Variants in BCAS3 observed in about 807,000 individuals in gnomAD.
BCAS3 encodes the protein BCAS3 microtubule associated cell migration factor.
Under a neutral mutation model 116.1 loss-of-function variants are expected in BCAS3, and 53 were observed. The ratio of observed to expected loss-of-function variants is 0.46; its 90% CI spans 0.37 to 0.57. The LOEUF (loss-of-function observed/expected upper bound fraction) is 0.57. Among genes scored for constraint, BCAS3 ranks in the 20% least tolerant of loss-of-function variants. The pLI is 0.00. For synonymous variants in BCAS3, 391 were observed against 408.2 expected (o/e 0.96, Z 0.51); for missense variants, 917 against 1,165.4 (o/e 0.79, Z 3.10).
In BCAS3 at chr17:61,332,984, G is replaced by A. The variant is rs769407522; in HGVS notation, c.2426-35343G>A. Among the ~76,000 whole-genome samples, 33 of 152,162 alleles carry A rather than the reference G, an allele frequency of 2.2e-4. No homozygotes were observed. Among genetic ancestry groups the A allele is most frequent in the South Asian group, 6.2e-4 (3 of 4,824 alleles). On this transcript the variant is annotated intron_variant, in intron 22 of 23. Transcript: ENST00000407086. This position sits in a 1 kb window ranked among gnomAD's most constrained non-coding sequence, Gnocchi z 5.4. Reference sequence around the variant, plus strand: ...ATATTACAAGTCTAGGGCAGAGCGGGGACTATATTCTGGCTTCCTGACTCT... The same window carrying A: ...ATATTACAAGTCTAGGGCAGAGCGGAGACTATATTCTGGCTTCCTGACTCT...
At chr17:60,805,515 G>C (rs768661391) in intron 6 of BCAS3, among the ~76,000 whole-genome samples, 5 of 152,136 alleles carry the variant, frequency 3.3e-5, no homozygotes, top group Non-Finnish European at 7.4e-5. Context: ...ATGTGTGTCC[G>C]AACAGGGAAA....
In BCAS3 at chr17:60,869,250, G is replaced by A. The variant is rs73991313; in HGVS notation, c.584+567G>A. On this transcript the variant is annotated intron_variant, in intron 8 of 23. Transcript: ENST00000407086. The stretch of plus-strand genomic sequence containing the variant: ...CTTGAACTTCTATGTGACCTCTACT[G>A]CTAATGACAAATTAATCACAGAACA... Among the ~76,000 whole-genome samples the A allele has an allele frequency of 2.6e-3, 392 of 152,218 alleles. 4 individuals are homozygous for A. The highest frequency in any genetic ancestry group is 0.01 in the Middle Eastern group (3 of 294).
intron 14 of BCAS3, among the ~76,000 whole-genome samples, chr17:60,952,644 G>T (rs1326174386): frequency 2.6e-5 from 4 of 152,042 alleles, no homozygotes; most frequent in Non-Finnish European, 5.9e-5. Flanking sequence ...AAGTTCAGGG[G>T]TACATATGCA....
At chr17:60,801,077 A>G (rs1399755149) in intron 6 of BCAS3, among the ~76,000 whole-genome samples, 6 of 152,096 alleles carry the variant, frequency 3.9e-5, no homozygotes, top group African/African-American at 1.2e-4. Context: ...TAGAATACTC[A>G]TGTTTATAAT....
chr17:61,255,756 T>C (rs2048728048), intron 22 of BCAS3, among the ~76,000 whole-genome samples: 1 of 152,254 alleles, frequency 6.6e-6, no homozygotes, highest in African/African-American at 2.4e-5. Flanking sequence ...GTTCCGGATG[T>C]AGCTGCTCTT....
chr17:61,137,221 A>C (rs2058224), intron 22 of BCAS3, among the ~76,000 whole-genome samples: 11,560 of 152,198 alleles, frequency 0.076, 1,435 homozygotes, highest in African/African-American at 0.26. Context: ...AAATGCAGAC[A>C]CAAAAAGATT....
chr17:61,338,400 CT>C (rs35226282), intron 22 of BCAS3, among the ~76,000 whole-genome samples: 84 of 142,462 alleles, frequency 5.9e-4, no homozygotes, highest in Middle Eastern at 3.5e-3. Flanking sequence ...ACCAGAGTCG[CT>C]TTTTTTTTTC....
chr17:60,706,187 C>T (rs564472049), intron 4 of BCAS3, among the ~76,000 whole-genome samples: 30 of 152,078 alleles, frequency 2.0e-4, no homozygotes, highest in Non-Finnish European at 2.8e-4. Flanking sequence ...TTCAGCCTCC[C>T]GAGTAGCTGG....
At chr17:60,843,091 TTTTA>T (rs1466021673) in intron 7 of BCAS3, among the ~76,000 whole-genome samples, 1 of 140,468 alleles carries the variant, frequency 7.1e-6, no homozygotes, top group African/African-American at 3.0e-5. Flanking sequence ...TAAGGCTGAT[TTTTA>T]TTTTTTATTT....
intron 16 of BCAS3, among the ~76,000 whole-genome samples, chr17:61,024,062 C>G (rs1220455917): frequency 1.3e-5 from 2 of 152,124 alleles, no homozygotes; most frequent in East Asian, 3.8e-4. Flanking sequence ...TAATACGAAA[C>G]TATAGCTGTG....
Position 61,380,142 on chromosome 17 carries a change from A to G in BCAS3, c.2593+11648A>G. On this transcript the variant is annotated intron_variant, in intron 23 of 23. Coordinates refer to ENST00000407086, the MANE Select transcript of BCAS3 (RefSeq NM_017679.5). This position sits in a 1 kb window ranked among gnomAD's most constrained non-coding sequence, Gnocchi z 4.2. ...ACACTGCCATGCAGCTTTGAACTTCAGACCTGGTTTCTAAATCCACGGAAG... is the reference window on the plus strand; with the variant it reads ...ACACTGCCATGCAGCTTTGAACTTCGGACCTGGTTTCTAAATCCACGGAAG... The G allele has an allele frequency of 3.7e-6, 1 of 270,040 alleles. No individual in the cohort carries two copies. The highest frequency in any genetic ancestry group is 4.7e-5 in the South Asian group (1 of 21,372). The allele number at this position is 270,040 out of a possible 1,614,324, so 16.7% of individuals were successfully genotyped here.
At chr17:61,177,781 A>G (rs778792136) in intron 22 of BCAS3, among the ~76,000 whole-genome samples, 2 of 152,310 alleles carry the variant, frequency 1.3e-5, no homozygotes, top group African/African-American at 2.4e-5. Context: ...CAGCAGTGCT[A>G]TTTTGAGATT....
At chr17:60,972,578 G>C (rs1001806483) in intron 14 of BCAS3, among the ~76,000 whole-genome samples, 2 of 151,020 alleles carry the variant, frequency 1.3e-5, no homozygotes. Flanking sequence ...CTCCCAAGTA[G>C]CTGGGACTAC....
In BCAS3 at chr17:60,964,159, G is replaced by A. The variant is rs1027640072; in HGVS notation, c.1221+16807G>A. On this transcript the variant is annotated intron_variant, in intron 14 of 23. Coordinates refer to ENST00000407086, the MANE Select transcript of BCAS3 (RefSeq NM_017679.5). The surrounding 1 kb of genome is among the most constrained non-coding windows in gnomAD (Gnocchi z 4.6). ...CATTTTTTCCCTGTTCCGTATGATG[G>A]TAGCTGTGGATTTGTCATATATGGT... Among the ~76,000 whole-genome samples, 2 of 152,118 alleles carry A rather than the reference G, an allele frequency of 1.3e-5. No homozygotes were observed. Among genetic ancestry groups the A allele is most frequent in the African/African-American group, 4.8e-5 (2 of 41,430 alleles).
At chr17:61,014,650 G>GA (rs879941979) in intron 15 of BCAS3, among the ~76,000 whole-genome samples, 44 of 141,962 alleles carry the variant, frequency 3.1e-4, no homozygotes, top group East Asian at 1.2e-3. Flanking sequence ...CAGTGAGGAG[G>GA]AAAAAAAAAA....
In BCAS3 at chr17:61,144,011, C is replaced by T. The variant is rs113019481; in HGVS notation, c.2425+59447C>T. ...TTCTGAAATACTAAATTCCCATAAC[C>T]TATGCAAATTACATTTTAGGCAAGT... On this transcript the variant is annotated intron_variant, in intron 22 of 23. Coordinates refer to ENST00000407086, the MANE Select transcript of BCAS3 (RefSeq NM_017679.5). This position sits in a 1 kb window ranked among gnomAD's most constrained non-coding sequence, Gnocchi z 5.0. Among the ~76,000 whole-genome samples the T allele has an allele frequency of 2.3e-3, 357 of 152,174 alleles. 1 individual carries two copies. Among genetic ancestry groups the T allele is most frequent in the African/African-American group, 8.3e-3 (344 of 41,526 alleles).
rs1031534046 is a variant in BCAS3 at position 61,156,432 on chromosome 17, A to G, written c.2425+71868A>G. ...GTAATATTTGGTCTGCCAAAATGAG[A>G]TAGAGAAATGGAAATACGTGCTTTG... is the stretch of plus-strand genomic sequence containing the variant. On this transcript the variant is annotated intron_variant, in intron 22 of 23. Transcript: ENST00000407086. This position sits in a 1 kb window ranked among gnomAD's most constrained non-coding sequence, Gnocchi z 4.7. Among the ~76,000 whole-genome samples the G allele has an allele frequency of 3.9e-5, 6 of 152,084 alleles. No individual in the cohort carries two copies. Among genetic ancestry groups the G allele is most frequent in the Non-Finnish European group, 8.8e-5 (6 of 68,026 alleles).
intron 11 of BCAS3, among the ~76,000 whole-genome samples, chr17:60,906,356 A>T (rs751171065): frequency 6.6e-6 from 1 of 152,168 alleles, no homozygotes; most frequent in African/African-American, 2.4e-5. Flanking sequence ...GATTGAGATT[A>T]TTTGAGTGAA....
At chr17:61,152,760 C>T (rs1190528713) in intron 22 of BCAS3, among the ~76,000 whole-genome samples, 1 of 152,006 alleles carries the variant, frequency 6.6e-6, no homozygotes, top group African/African-American at 2.4e-5. Flanking sequence ...TGGTCATTCT[C>T]CTTCCTCAAA....
Sources: gnomAD v4.1 joint callset for allele counts (sites outside exome capture counted in the v4.1 genomes callset) on GRCh38, gnomAD v4.1.1 for gene constraint, Gnocchi (gnomAD v3.1) non-coding constraint, MANE v1.5 for transcripts, NCBI Gene and HGNC (gene_info 2026-07-23, HGNC 2026-07-21) for gene names.